The following WDR70 variants were observed in gnomAD, a reference collection of about 807,000 sequenced individuals.
WDR70 encodes the protein WD repeat domain 70, also known as WD repeat-containing protein 70.
Under a neutral mutation model 88.6 loss-of-function variants are expected in WDR70, and 53 were observed. The observed-to-expected ratio is 0.60, with a 90% CI of 0.48 to 0.75. The LOEUF (loss-of-function observed/expected upper bound fraction) is 0.75. Ranked by LOEUF, WDR70 falls within the 30% of genes least tolerant of loss-of-function variation. The probability of loss-of-function intolerance (pLI) is 0.00; values close to 1 mark genes in which losing one functional copy is unlikely to be tolerated. For synonymous variants in WDR70, 280 were observed against 270.0 expected (o/e 1.04, Z -0.36); for missense variants, 610 against 823.2 (o/e 0.74, Z 3.17).
At chr5:37,459,110 G>GCCGCATATCTACAACTA (rs1435352230) in intron 7 of WDR70, among the ~76,000 whole-genome samples, 19 of 60,670 alleles carry the variant, frequency 3.1e-4, no homozygotes, top group African/African-American at 5.1e-4. Flanking sequence ...GGAGCAGGTT[G>GCCGCATATCTACAACTA]TTCAGTTTCC....
chr5:37,495,487 C>A (rs1194876734), intron 8 of WDR70, among the ~76,000 whole-genome samples: 1 of 149,758 alleles, frequency 6.7e-6, no homozygotes, highest in Non-Finnish European at 1.5e-5. Flanking sequence ...TGTGTGTGTG[C>A]GTGTGTGTGT....
intron 7 of WDR70, among the ~76,000 whole-genome samples, chr5:37,475,843 A>ATTTT (rs35126157): frequency 1.7e-5 from 2 of 120,658 alleles, no homozygotes; most frequent in African/African-American, 6.5e-5. Context: ...TGCATTACAT[A>ATTTT]TTTTTTTTTT....
At position 37,398,754 on chromosome 5, in the gene WDR70, A is replaced by G. The variant is rs541518036; in HGVS notation, c.492+2184A>G. Among the ~76,000 whole-genome samples, 5 of 152,386 alleles carry G rather than the reference A, an allele frequency of 3.3e-5. No individual in the cohort carries two copies. The South Asian group carries it at 8.3e-4, about 25-fold the overall frequency. The stretch of plus-strand genomic sequence containing the variant: ...AAGAATAAATTTGGCAGTTTCATTA[A>G]AATTTTTGTTTTACAGTAAGTTCCA... On this transcript the variant is annotated intron_variant, in intron 5 of 17. Coordinates refer to ENST00000265107, the MANE Select transcript of WDR70 (RefSeq NM_018034.4).
chr5:37,748,837 G>A (rs953482222), intron 17 of WDR70, among the ~76,000 whole-genome samples: 19 of 152,116 alleles, frequency 1.2e-4, no homozygotes, highest in African/African-American at 4.1e-4. Context: ...TCGTTTATGC[G>A]GCCAAGAAAC....
intron 9 of WDR70, among the ~76,000 whole-genome samples, chr5:37,520,408 TA>T (rs1368434502): frequency 6.6e-6 from 1 of 152,064 alleles, no homozygotes; most frequent in Non-Finnish European, 1.5e-5. Context: ...ATAAAATAAA[TA>T]TATTTTAGTA....
At chr5:37,689,542 C>A (rs2112633553) in intron 10 of WDR70, among the ~76,000 whole-genome samples, 1 of 152,310 alleles carries the variant, frequency 6.6e-6, no homozygotes, top group Middle Eastern at 3.4e-3. Context: ...GTTCTGCAGC[C>A]TCTGCTGGTG....
chr5:37,532,504 T>A (rs900127365), intron 9 of WDR70, among the ~76,000 whole-genome samples: 2 of 152,140 alleles, frequency 1.3e-5, no homozygotes, highest in African/African-American at 4.8e-5. Context: ...TTCAAAAGCC[T>A]TGTCTTCGAG....
chr5:37,720,372 C>G (rs1747772723), intron 13 of WDR70, among the ~76,000 whole-genome samples: 1 of 152,086 alleles, frequency 6.6e-6, no homozygotes, highest in African/African-American at 2.4e-5. Context: ...CTATCCCTCC[C>G]ACCTCTGCCC....
intron 17 of WDR70, among the ~76,000 whole-genome samples, chr5:37,749,665 C>T (rs993389218): frequency 2.0e-5 from 3 of 151,934 alleles, no homozygotes; most frequent in Admixed American, 1.3e-4. Flanking sequence ...GCAAAAAGGA[C>T]TATGATGTTT....
rs533588037 is a variant in WDR70, at chr5:37,455,178, T to G, written c.686+11806T>G. Among the ~76,000 whole-genome samples the G allele has an allele frequency of 3.7e-4, 57 of 152,230 alleles. 1 individual carries two copies. The highest frequency in any genetic ancestry group is 1.3e-3 in the African/African-American group (52 of 41,576). On this transcript the variant is annotated intron_variant, in intron 7 of 17. Transcript: ENST00000265107. ...TTCTGAGTTTTTAGTATTGTAACAT[T>G]GGATTTTACCTCTGAAAAATCAGAC...
Position 37,605,099 on chromosome 5 carries a change from A to C in WDR70, c.953A>C (p.Lys318Thr). 2 of 1,612,614 alleles carry C rather than the reference A, an allele frequency of 1.2e-6. No individual in the cohort carries two copies. The highest frequency in any genetic ancestry group is 1.7e-6 in the Non-Finnish European group (2 of 1,179,204). ...VRTWEVENPK[K>T]QKSVFKPRTM... ...ACGTGGGAAGTTGAAAATCCAAAGA[A>C]GCAAAAAAGTGTGTTTAAACCACGG... Residue 318 changes from lysine (K) to threonine (T), a missense_variant, in exon 10 of 18, where the codon AAG becomes ACG. By Grantham distance (78) the Lys-to-Thr change is moderately conservative. Coordinates refer to ENST00000265107, the MANE Select transcript of WDR70 (RefSeq NM_018034.4).
At position 37,675,411 on chromosome 5, in the gene WDR70, TAAGGTGTAAGG is replaced by T. The variant is rs574459910; in HGVS notation, c.1093-22239_1093-22229del. On this transcript the variant is annotated intron_variant, in intron 10 of 17. Transcript: ENST00000265107. ...AATCCATCTTGAATTAATTTTTGTA[TAAGGTGTAAGG>T]AAGGGATCCAGTTTCAGCTTTCTAC... is the stretch of plus-strand genomic sequence containing the variant. Among the ~76,000 whole-genome samples, 46 of 152,282 alleles carry T rather than the reference TAAGGTGTAAGG, an allele frequency of 3.0e-4. 2 individuals are homozygous for T. In the South Asian group the frequency reaches 9.3e-3, roughly 31 times the overall value.
At chr5:37,679,468 A>G (rs971573445) in intron 10 of WDR70, among the ~76,000 whole-genome samples, 4 of 152,150 alleles carry the variant, frequency 2.6e-5, no homozygotes, top group African/African-American at 9.7e-5. Context: ...CCTCAGCTGC[A>G]GGTCTGTTGG....
chr5:37,434,896 A>T (rs1750423185), intron 5 of WDR70, among the ~76,000 whole-genome samples: 1 of 152,230 alleles, frequency 6.6e-6, no homozygotes, highest in Non-Finnish European at 1.5e-5. Context: ...TTTTACTGTT[A>T]TAGCAAATTT....
At position 37,448,737 on chromosome 5, in the gene WDR70, C is replaced by CTT. The variant is rs1344200577; in HGVS notation, c.686+5366_686+5367insTT. Among the ~76,000 whole-genome samples, 7 of 33,964 alleles carry CTT rather than the reference C, an allele frequency of 2.1e-4. No individual in the cohort carries two copies. In the Non-Finnish European group the frequency reaches 2.6e-3, roughly 13 times the overall value. The allele number at this position is 33,964 out of a possible 152,430, so 22.3% of individuals were successfully genotyped here. A position where few individuals can be genotyped will look rare whatever the true frequency, so the allele number is the denominator to read the frequency against. The stretch of plus-strand genomic sequence containing the variant: ...ATCTCCAAACGTTATTTGGATTTCA[C>CTT]TGTTTTTTTTTCACTAATGATTCCT... On this transcript the variant is annotated intron_variant, in intron 7 of 17. Coordinates refer to ENST00000265107, the MANE Select transcript of WDR70 (RefSeq NM_018034.4).
intron 9 of WDR70, among the ~76,000 whole-genome samples, chr5:37,587,214 G>A (rs1172307120): frequency 6.6e-6 from 1 of 152,026 alleles, no homozygotes; most frequent in Non-Finnish European, 1.5e-5. Context: ...GTCTCCTAGA[G>A]TATAAAGCCT....
At chr5:37,381,393 G>T (rs1294768524) in intron 2 of WDR70, among the ~76,000 whole-genome samples, 1 of 152,190 alleles carries the variant, frequency 6.6e-6, no homozygotes, top group South Asian at 2.1e-4. Flanking sequence ...AGGAGGATGG[G>T]AAAGTTGCCT....
intron 9 of WDR70, among the ~76,000 whole-genome samples, chr5:37,542,395 T>C (rs1741851743): frequency 1.3e-5 from 2 of 151,686 alleles, no homozygotes; most frequent in African/African-American, 4.8e-5. Context: ...TTCTCCTGCC[T>C]CAGCCTCCTG....
chr5:37,386,137 A>G lies in WDR70; in HGVS notation c.175+4452A>G, dbSNP rs188090754. Among the ~76,000 whole-genome samples the G allele has an allele frequency of 7.8e-4, 119 of 152,070 alleles. 1 individual carries two copies. Among genetic ancestry groups the G allele is most frequent in the Non-Finnish European group, 9.6e-4 (65 of 67,982 alleles). ...CAAATATATTTCATATTATACCACA[A>G]TATCATCACATCAAAAAACAATTTT... On this transcript the variant is annotated intron_variant, in intron 3 of 17. Coordinates refer to ENST00000265107, the MANE Select transcript of WDR70 (RefSeq NM_018034.4).
Sources: gnomAD v4.1 joint callset for allele counts (sites outside exome capture counted in the v4.1 genomes callset) on GRCh38, gnomAD v4.1.1 for gene constraint, MANE v1.5 for transcripts, NCBI Gene and HGNC (gene_info 2026-07-23, HGNC 2026-07-21) for gene names.